The following MAPK6 variants were observed in gnomAD, a reference collection of about 807,000 sequenced individuals.
MAPK6 encodes the protein ERK-3.
A neutral mutation model predicts 59.3 loss-of-function variants in MAPK6; 19 were observed. The observed-to-expected ratio is 0.32, with a 90% confidence interval of 0.22 to 0.47. The LOEUF is 0.47. Ranked by LOEUF, MAPK6 falls within the 20% of genes least tolerant of loss-of-function variation. The pLI is 1.00. For synonymous variants in MAPK6, 316 were observed against 290.3 expected, an observed-to-expected ratio of 1.09 and a Z score of -0.90; for missense variants, 724 against 847.9, an observed-to-expected ratio of 0.85 and a Z score of 1.81.
chr15:52,046,067 T>G lies in MAPK6; in HGVS notation c.-394T>G, dbSNP rs1371649801. Reference sequence around the variant, plus strand: ...GAATGTATCTGCACTGTGAGGAGAATGTTCATAGAAGCCTGTTGTGTGCAT... The same window carrying G: ...GAATGTATCTGCACTGTGAGGAGAAGGTTCATAGAAGCCTGTTGTGTGCAT... On this transcript the variant is annotated 5_prime_UTR_variant, in exon 2 of 6. The change abolishes an upstream ATG in the 5' untranslated region. Transcript: ENST00000261845. 1 of 189,362 alleles carries G rather than the reference T, an allele frequency of 5.3e-6. No homozygotes were observed. Among genetic ancestry groups the G allele is most frequent in the Non-Finnish European group, 1.1e-5 (1 of 90,488 alleles). 11.7% of individuals were successfully genotyped at this position (189,362 alleles called of 1,614,324 possible).
At chr15:51,972,038 G>A (rs1160924594) in intron 1 of MAPK6, among the ~76,000 whole-genome samples, 3 of 152,126 alleles carry the variant, frequency 2.0e-5, no homozygotes, top group Admixed American at 2.0e-4. Context: ...GCTCTCTGGG[G>A]AAGGGCCTCT....
chr15:52,041,684 G>C (rs1339377254), intron 1 of MAPK6, among the ~76,000 whole-genome samples: 1 of 152,178 alleles, frequency 6.6e-6, no homozygotes, highest in African/African-American at 2.4e-5. Context: ...TCAGAATTTG[G>C]AATATACCTG....
chr15:52,016,684 C>G (rs1298089769), upstream of MAPK6, among the ~76,000 whole-genome samples: 2 of 152,134 alleles, frequency 1.3e-5, no homozygotes, highest in East Asian at 3.9e-4. Flanking sequence ...GCCCACCCAC[C>G]TTAAACTATT....
intron 2 of MAPK6, among the ~76,000 whole-genome samples, chr15:51,983,450 G>C (rs1329849664): frequency 2.6e-5 from 4 of 152,068 alleles, no homozygotes; most frequent in Admixed American, 2.0e-4. Flanking sequence ...TTGCACTCCA[G>C]CCTGGGCAAC....
intron 2 of MAPK6, among the ~76,000 whole-genome samples, chr15:51,987,915 G>A (rs1041159470): frequency 7.3e-5 from 11 of 151,596 alleles, no homozygotes; most frequent in African/African-American, 2.4e-4. Context: ...ACAGGCGCAC[G>A]CCACCACACC....
At chr15:51,998,687 A>ATGTTTTTTTTTTTTTTTTTTTTT (rs2057233130) in intron 2 of MAPK6, among the ~76,000 whole-genome samples, 2 of 38,472 alleles carry the variant, frequency 5.2e-5, no homozygotes, top group Admixed American at 5.6e-4. Context: ...TGCCTGGTTA[A>ATGTTTTTTTTTTTTTTTTTTTTT]TTTTTTTTTT....
chr15:52,032,540 TTC>T (rs2141877268), intron 1 of MAPK6, among the ~76,000 whole-genome samples: 1 of 152,192 alleles, frequency 6.6e-6, no homozygotes, highest in South Asian at 2.1e-4. Context: ...TATTTACCCT[TTC>T]TGAGTTTTTT....
intron 1 of MAPK6, chr15:52,019,786 C>T (rs1008120186): frequency 1.5e-4 from 23 of 152,126 alleles, no homozygotes; most frequent in Non-Finnish European, 3.1e-4. Context: ...GAAACCCAGC[C>T]GGACCGGACC....
At chr15:51,976,367 A>C (rs890201483) in intron 1 of MAPK6, among the ~76,000 whole-genome samples, 10 of 151,662 alleles carry the variant, frequency 6.6e-5, no homozygotes, top group Non-Finnish European at 1.5e-4. Context: ...TAGTCAGGAA[A>C]GGTTTCTTAG....
upstream of MAPK6, among the ~76,000 whole-genome samples, chr15:52,016,064 G>GCAAACACA (rs1219275611): frequency 1.8e-5 from 1 of 54,954 alleles, no homozygotes; most frequent in Admixed American, 2.0e-4. Flanking sequence ...GCGCGCGCGC[G>GCAAACACA]CGCGCGCACA....
chr15:52,024,901 TTA>T (rs1491335624), intron 1 of MAPK6, among the ~76,000 whole-genome samples: 1,669 of 144,422 alleles, frequency 0.012, 48 homozygotes, highest in African/African-American at 0.043. Context: ...TTTTTTTTTT[TTA>T]AGAATTGGAG....
rs535648378 is a variant in MAPK6 at position 52,066,613 on chromosome 15, T to C, written c.*1613T>C. On this transcript the variant is annotated 3_prime_UTR_variant, in exon 6 of 6. Coordinates refer to ENST00000261845, the MANE Select transcript of MAPK6 (RefSeq NM_002748.4). ...TTTTGTACAACACCAATTCTATTAA[T>C]ATCTGCCCACCTACCTTCTCAACAA... 6.1e-3 allele frequency: 110 copies of C among 17,998 alleles called. 1 individual carries two copies. Among genetic ancestry groups the C allele is most frequent in the African/African-American group, 9.2e-3 (104 of 11,324 alleles). The allele number at this position is 17,998 out of a possible 1,614,324, so 1.1% of individuals were successfully genotyped here. A position where few individuals can be genotyped will look rare whatever the true frequency, so the allele number is the denominator to read the frequency against.
rs545362054 is a variant in MAPK6, at chr15:52,066,181, C to CTATTT, written c.*1191_*1195dup. On this transcript the variant is annotated 3_prime_UTR_variant, in exon 6 of 6. Transcript: ENST00000261845. The stretch of plus-strand genomic sequence containing the variant: ...CGCAGTCTCTTAGAATTTGTTTCAT[C>CTATTT]TATTTTATTTTATTGAATACTGTCT... 8 of 152,572 alleles carry CTATTT rather than the reference C, an allele frequency of 5.2e-5. No homozygotes were observed. In the South Asian group the frequency reaches 1.4e-3, roughly 28 times the overall value. 9.5% of individuals were successfully genotyped at this position (152,572 alleles called of 1,614,324 possible).
At chr15:52,030,490 C>G (rs2030986036) in intron 1 of MAPK6, among the ~76,000 whole-genome samples, 1 of 152,022 alleles carries the variant, frequency 6.6e-6, no homozygotes, top group African/African-American at 2.4e-5. Flanking sequence ...TCCTTTACCT[C>G]CCAAGTACAT....
intron 2 of MAPK6, among the ~76,000 whole-genome samples, chr15:51,991,219 A>ATG (rs1248397123): frequency 6.6e-6 from 1 of 152,064 alleles, no homozygotes; most frequent in Non-Finnish European, 1.5e-5. Context: ...ATATGTATAT[A>ATG]TATGTGTATA....
At chr15:52,020,339 C>A (rs557419890) in intron 1 of MAPK6, among the ~76,000 whole-genome samples, 1 of 152,006 alleles carries the variant, frequency 6.6e-6, no homozygotes, top group Non-Finnish European at 1.5e-5. Flanking sequence ...TTTATTTTTT[C>A]TTTTGCTTGT....
intron 2 of MAPK6, among the ~76,000 whole-genome samples, chr15:51,992,306 T>TATATATATATATA (rs369567502): frequency 5.8e-5 from 1 of 17,376 alleles, no homozygotes; most frequent in African/African-American, 9.9e-5. Context: ...TATATATATA[T>TATATATATATATA]TTTTTTTTTT....
At position 51,992,004 on chromosome 15, in the gene MAPK6, T is replaced by C. The variant is rs1459725589; in HGVS notation, c.-770+8689T>C. Among the ~76,000 whole-genome samples, 12 of 152,324 alleles carry C rather than the reference T, an allele frequency of 7.9e-5. No individual in the cohort carries two copies. In the South Asian group the frequency reaches 2.5e-3, roughly 32 times the overall value. ...CTGGGTCTCGCTCTGTCACCCAGGC[T>C]GGAGTGCAGTGGCTTGATCACAGTT... On this transcript the variant is annotated intron_variant, in intron 2 of 7. Coordinates refer to the MAPK6 transcript ENST00000691380.
At chr15:52,002,054 G>A (rs1342030762) in intron 2 of MAPK6, among the ~76,000 whole-genome samples, 1 of 152,144 alleles carries the variant, frequency 6.6e-6, no homozygotes, top group East Asian at 1.9e-4. Flanking sequence ...TCCCACCTTA[G>A]GTCACGAAAG....
Sources: allele counts gnomAD v4.1 joint callset (sites outside exome capture counted in the v4.1 genomes callset), GRCh38; gene constraint gnomAD v4.1.1; transcripts MANE v1.5; gene names NCBI Gene and HGNC (gene_info 2026-07-23, HGNC 2026-07-21).